Variants in LRP1B observed in about 807,000 individuals in gnomAD.
LRP1B encodes low-density lipoprotein receptor-related protein 1B.
In LRP1B, 217 loss-of-function variants were observed where a neutral mutation model predicts 556.6. The observed-to-expected ratio is 0.39, with a 90% CI of 0.35 to 0.44. The LOEUF (loss-of-function observed/expected upper bound fraction) is 0.44. LRP1B is among the 20% of genes least tolerant of loss of function. The pLI is 1.00. For synonymous variants in LRP1B, 2,047 were observed against 1,865.8 expected, an observed-to-expected ratio of 1.10 and a Z score of -2.50; for missense variants, 5,053 against 5,620.8, an observed-to-expected ratio of 0.90 and a Z score of 3.23.
chr2:140,783,874 T>G (rs2104968818), intron 32 of LRP1B, among the ~76,000 whole-genome samples: 1 of 152,330 alleles, frequency 6.6e-6, no homozygotes, highest in South Asian at 2.1e-4. Context: ...CGTGATAATC[T>G]ACATTAGAAG....
At chr2:140,296,878 G>C (rs1223765063) in intron 84 of LRP1B, among the ~76,000 whole-genome samples, 1 of 151,910 alleles carries the variant, frequency 6.6e-6, no homozygotes, top group East Asian at 1.9e-4. Context: ...ATAAATAGAA[G>C]AATTGTGGAC....
intron 3 of LRP1B, among the ~76,000 whole-genome samples, chr2:141,276,505 T>C (rs1685292017): frequency 1.3e-5 from 2 of 152,242 alleles, no homozygotes; most frequent in South Asian, 4.1e-4. Context: ...TGTCCATATG[T>C]ACTCAATGTT....
intron 18 of LRP1B, among the ~76,000 whole-genome samples, chr2:140,971,489 T>C (rs143700684): frequency 2.0e-5 from 3 of 152,250 alleles, no homozygotes; most frequent in Non-Finnish European, 4.4e-5. Flanking sequence ...CCTAAAAAAT[T>C]CTAATTGGTA....
chr2:141,796,906 A>G (rs1333155389), intron 2 of LRP1B, among the ~76,000 whole-genome samples: 2 of 151,612 alleles, frequency 1.3e-5, no homozygotes, highest in Non-Finnish European at 2.9e-5. Flanking sequence ...TTGCTGAACC[A>G]ATTAAATATA....
intron 1 of LRP1B, among the ~76,000 whole-genome samples, chr2:141,921,579 A>G (rs562749729): frequency 1.4e-4 from 21 of 152,144 alleles, no homozygotes; most frequent in Non-Finnish European, 2.4e-4. Flanking sequence ...TCCATTTCAC[A>G]TATTCTAGCA....
chr2:140,850,002 G>A, intron 29 of LRP1B, 100 bp downstream of exon 29: 1 of 748,580 alleles, frequency 1.3e-6, no homozygotes, highest in East Asian at 2.6e-5. Flanking sequence ...TCAATTAACA[G>A]CATAAAGTTG....
intron 6 of LRP1B, among the ~76,000 whole-genome samples, chr2:141,207,233 C>T (rs539764719): frequency 6.6e-6 from 1 of 152,172 alleles, no homozygotes; most frequent in Non-Finnish European, 1.5e-5. Context: ...TCCTTGTACA[C>T]AACCTAGACT....
chr2:141,492,091 A>AAAAAAAC (rs67960557), intron 2 of LRP1B, among the ~76,000 whole-genome samples: 9,525 of 100,098 alleles, frequency 0.095, 718 homozygotes, highest in South Asian at 0.15. Flanking sequence ...AAAAAAAAAA[A>AAAAAAAC]CACTAAGAAA....
At chr2:140,810,864 T>A (rs1690895162) in intron 32 of LRP1B, among the ~76,000 whole-genome samples, 1 of 152,098 alleles carries the variant, frequency 6.6e-6, no homozygotes, top group Non-Finnish European at 1.5e-5. Flanking sequence ...ACCTCCCAAG[T>A]AGCTGGGATT....
At chr2:141,956,982 C>A (rs574194054) in intron 1 of LRP1B, among the ~76,000 whole-genome samples, 2 of 152,098 alleles carry the variant, frequency 1.3e-5, no homozygotes, top group East Asian at 3.9e-4. Context: ...TTCTTCCTGT[C>A]AGCTACTTTT....
intron 2 of LRP1B, among the ~76,000 whole-genome samples, chr2:141,687,904 T>C (rs183250052): frequency 1.6e-3 from 208 of 133,108 alleles, no homozygotes; most frequent in African/African-American, 5.8e-3. Flanking sequence ...CATTTTTAAA[T>C]AGAGGGTCTG....
At chr2:140,345,564 G>T (rs538168987) in intron 77 of LRP1B, among the ~76,000 whole-genome samples, 1 of 149,564 alleles carries the variant, frequency 6.7e-6, no homozygotes, top group South Asian at 2.1e-4. Context: ...ATCTAATCTG[G>T]CTTCATAGTT....
intron 3 of LRP1B, among the ~76,000 whole-genome samples, chr2:141,343,815 G>C (rs924451038): frequency 2.0e-5 from 3 of 152,150 alleles, no homozygotes; most frequent in Non-Finnish European, 4.4e-5. Flanking sequence ...GTGTTCTCAT[G>C]TGAATAATAG....
At chr2:140,433,135 G>C (rs957178438) in intron 66 of LRP1B, among the ~76,000 whole-genome samples, 3 of 152,306 alleles carry the variant, frequency 2.0e-5, no homozygotes, top group African/African-American at 7.2e-5. Flanking sequence ...GTCTTGCTCT[G>C]TTGCCCCGGC....
chr2:142,001,756 A>G (rs1702662310), intron 1 of LRP1B, among the ~76,000 whole-genome samples: 1 of 152,214 alleles, frequency 6.6e-6, no homozygotes, highest in African/African-American at 2.4e-5. Flanking sequence ...TGGTAATACC[A>G]TTTAAATTTC....
At chr2:140,867,468 T>C (rs983391280) in intron 27 of LRP1B, 122 bp downstream of exon 27, 2 of 1,066,068 alleles carry the variant, frequency 1.9e-6, no homozygotes, top group Non-Finnish European at 2.6e-6. Context: ...ACTTCCCTCA[T>C]AGAGTATGCG....
chr2:141,927,414 T>A (rs1574499504), intron 1 of LRP1B, among the ~76,000 whole-genome samples: 1 of 152,158 alleles, frequency 6.6e-6, no homozygotes, highest in Admixed American at 6.6e-5. Context: ...CTTTTCTTCA[T>A]CTTTTAAAAA....
intron 43 of LRP1B, among the ~76,000 whole-genome samples, chr2:140,557,106 T>G (rs551744748): frequency 6.6e-6 from 1 of 152,258 alleles, no homozygotes; most frequent in East Asian, 1.9e-4. Context: ...CAATCAAATT[T>G]ATTACAGTAC....
chr2:141,269,331 G>C (rs916300816), intron 3 of LRP1B, among the ~76,000 whole-genome samples: 7 of 152,136 alleles, frequency 4.6e-5, no homozygotes, highest in African/African-American at 1.7e-4. Context: ...TAAATCTCCT[G>C]AAAAGTAGCA....
Sources: gnomAD v4.1 joint callset for allele counts (sites outside exome capture counted in the v4.1 genomes callset) on GRCh38, gnomAD v4.1.1 for gene constraint, MANE v1.5 for transcripts, NCBI Gene and HGNC (gene_info 2026-07-23, HGNC 2026-07-21) for gene names.